CACNA1C: variants seen among roughly 807,000 people sequenced by gnomAD.
CACNA1C encodes the protein calcium voltage-gated channel subunit alpha1 C.
CACNA1C carries 30 observed loss-of-function variants against 229.0 expected under a neutral mutation model. That is an observed-to-expected ratio of 0.13 (90% CI 0.10 to 0.18). The LOEUF is 0.18. CACNA1C is among the 10% of genes least tolerant of loss of function. CACNA1C has a pLI of 1.00. For missense variants in CACNA1C, 1,658 were observed against 2,845.0 expected (o/e 0.58, Z 9.49); for synonymous variants, 1,114 against 1,132.5 (o/e 0.98, Z 0.33).
At chr12:2,523,997 C>T (rs998413584) in intron 9 of CACNA1C, among the ~76,000 whole-genome samples, 1 of 152,240 alleles carries the variant, frequency 6.6e-6, no homozygotes, top group African/African-American at 2.4e-5. Context: ...AGAGTGACAG[C>T]TCCAGCCTTT....
chr12:2,089,848 C>A (rs1411561853), intron 1 of CACNA1C, among the ~76,000 whole-genome samples: 1 of 146,836 alleles, frequency 6.8e-6, no homozygotes, highest in Non-Finnish European at 1.5e-5. Context: ...GCCTGGCCAA[C>A]ATAGTGAAAC....
intron 1 of CACNA1C, among the ~76,000 whole-genome samples, chr12:1,988,474 G>A (rs1002740339): frequency 1.3e-5 from 2 of 152,182 alleles, no homozygotes; most frequent in South Asian, 2.1e-4. Flanking sequence ...GGGTCAATGC[G>A]TGGTATAGCC....
chr12:1,977,288 C>G (rs2034694451), intron 1 of CACNA1C, among the ~76,000 whole-genome samples: 1 of 152,186 alleles, frequency 6.6e-6, no homozygotes, highest in Non-Finnish European at 1.5e-5. Flanking sequence ...GTGAATCACA[C>G]AGTTCAGCTG....
At chr12:2,331,561 G>T (rs1453437633) in intron 3 of CACNA1C, among the ~76,000 whole-genome samples, 1 of 152,232 alleles carries the variant, frequency 6.6e-6, no homozygotes, top group East Asian at 1.9e-4. Context: ...AAAGAGAGGA[G>T]ACATTAACAG....
intron 1 of CACNA1C, among the ~76,000 whole-genome samples, chr12:2,058,058 CTG>C (rs1219715435): frequency 6.6e-6 from 1 of 152,220 alleles, no homozygotes; most frequent in Non-Finnish European, 1.5e-5. Context: ...TAGGAAGTAA[CTG>C]AGATTTGTTC....
intron 34 of CACNA1C, among the ~76,000 whole-genome samples, chr12:2,656,400 C>T (rs982204206): frequency 2.6e-5 from 4 of 152,040 alleles, no homozygotes; most frequent in Non-Finnish European, 5.9e-5. Flanking sequence ...AAACTGAGAA[C>T]TCATAAAACA....
At chr12:2,006,876 T>A (rs185426686) in intron 1 of CACNA1C, among the ~76,000 whole-genome samples, 133 of 152,368 alleles carry the variant, frequency 8.7e-4, no homozygotes, top group African/African-American at 3.0e-3. Flanking sequence ...AGACATTTTT[T>A]AAAATGCTAT....
At chr12:2,469,112 C>A (rs1161314233) in intron 5 of CACNA1C, among the ~76,000 whole-genome samples, 1 of 152,032 alleles carries the variant, frequency 6.6e-6, no homozygotes, top group Non-Finnish European at 1.5e-5. Flanking sequence ...GGTGTATGAC[C>A]CCAAGGATAT....
At chr12:2,419,088 C>T (rs936975426) in intron 3 of CACNA1C, among the ~76,000 whole-genome samples, 2 of 152,250 alleles carry the variant, frequency 1.3e-5, no homozygotes, top group African/African-American at 4.8e-5. Flanking sequence ...TAACGCCTTC[C>T]TGCAACCCTA....
intron 5 of CACNA1C, among the ~76,000 whole-genome samples, chr12:2,485,827 G>C (rs145862723): frequency 2.1e-3 from 324 of 152,330 alleles, no homozygotes; most frequent in South Asian, 0.012. Flanking sequence ...CAATTTGACA[G>C]TTATGGATGG....
chr12:2,577,514 C>T (rs1270999485), intron 13 of CACNA1C, among the ~76,000 whole-genome samples: 2 of 152,224 alleles, frequency 1.3e-5, no homozygotes, highest in African/African-American at 2.4e-5. Context: ...CAGAAAATCC[C>T]TCCCCATGGA....
At chr12:2,093,944 G>T (rs1246688949) in intron 1 of CACNA1C, among the ~76,000 whole-genome samples, 1 of 152,214 alleles carries the variant, frequency 6.6e-6, no homozygotes, top group African/African-American at 2.4e-5. Context: ...AGTGCATAGA[G>T]CAGACCAAAG....
chr12:2,597,448 T>C lies in CACNA1C; in HGVS notation c.2853+159T>C. 1.2e-6 allele frequency: 2 copies of C among 1,610,362 alleles called. No individual in the cohort carries two copies. The highest frequency in any genetic ancestry group is 1.7e-6 in the Non-Finnish European group (2 of 1,176,588). ...TGCTTATTTTTCAGATCCTAGGCAA[T>C]GCAGACTATGTCTTCACTAGTATCT... On this transcript the variant is annotated intron_variant, in intron 21 of 46. Coordinates refer to ENST00000399655, the MANE Select transcript of CACNA1C (RefSeq NM_000719.7). This position sits in a 1 kb window ranked among gnomAD's most constrained non-coding sequence, Gnocchi z 4.3.
intron 3 of CACNA1C, among the ~76,000 whole-genome samples, chr12:2,177,478 TCTTTCTTTTCTTGTCTTTCC>T (rs1011531597): frequency 6.6e-5 from 10 of 151,946 alleles, no homozygotes; most frequent in Admixed American, 6.6e-4. Context: ...TCTTTCTTTC[TCTTTCTTTTCTTGTCTTTCC>T]CTCCCTCCCT....
In CACNA1C at chr12:2,566,411, C is replaced by T; in HGVS notation, c.1509-11C>T. 1 of 1,581,918 alleles carries T rather than the reference C, an allele frequency of 6.3e-7. No homozygotes were observed. The highest frequency in any genetic ancestry group is 1.2e-5 in the South Asian group (1 of 85,704). On this transcript the variant is annotated splice_polypyrimidine_tract_variant and intron_variant, in intron 11 of 46. Coordinates refer to ENST00000399655, the MANE Select transcript of CACNA1C (RefSeq NM_000719.7). The surrounding 1 kb of genome is among the most constrained non-coding windows in gnomAD (Gnocchi z 4.0). ...GCCAACCCCACCCTTCTCTCCCTGTCCCCTTTCCAGCCGCTACTGGCGCCG... is the reference window on the plus strand; with the variant it reads ...GCCAACCCCACCCTTCTCTCCCTGTTCCCTTTCCAGCCGCTACTGGCGCCG...
At chr12:2,497,388 G>A (rs942873967) in intron 7 of CACNA1C, among the ~76,000 whole-genome samples, 1 of 152,192 alleles carries the variant, frequency 6.6e-6, no homozygotes, top group Non-Finnish European at 1.5e-5. Context: ...ATAGGGGTTG[G>A]GGACACACGC....
At chr12:2,232,313 C>T (rs1189480942) in intron 3 of CACNA1C, among the ~76,000 whole-genome samples, 1 of 130,812 alleles carries the variant, frequency 7.6e-6, no homozygotes, top group Non-Finnish European at 1.6e-5. Flanking sequence ...GGTCAGTTAT[C>T]ATGTAGAATG....
intron 46 of CACNA1C, among the ~76,000 whole-genome samples, chr12:2,690,476 T>C (rs578217136): frequency 2.0e-5 from 3 of 152,162 alleles, no homozygotes; most frequent in Non-Finnish European, 4.4e-5. Context: ...ATCACAGGTG[T>C]GCATCACCAC....
chr12:2,445,196 A>G lies in CACNA1C; in HGVS notation c.478-3780A>G, dbSNP rs570759272. ...AGCACCTAACCTTCTTCACCTGGAC[A>G]ACTCTTCATCCTTCGAGATTCAGCT... On this transcript the variant is annotated intron_variant, in intron 3 of 46. Transcript: ENST00000399655. 5.3e-5 allele frequency among the ~76,000 whole-genome samples: 8 copies of G among 152,206 alleles called. No homozygotes were observed. In the South Asian group the frequency reaches 1.7e-3, roughly 32 times the overall value.
Sources: allele counts gnomAD v4.1 joint callset (sites outside exome capture counted in the v4.1 genomes callset), GRCh38; gene constraint gnomAD v4.1.1; non-coding constraint Gnocchi (gnomAD v3.1); transcripts MANE v1.5; gene names NCBI Gene and HGNC (gene_info 2026-07-23, HGNC 2026-07-21).